SCRG1: variants seen among roughly 807,000 people sequenced by gnomAD.
SCRG1 encodes the protein scrapie-responsive protein 1.
SCRG1 carries 3 observed loss-of-function variants against 7.7 expected under a neutral mutation model. That is an observed-to-expected ratio of 0.39 (90% CI 0.18 to 1.01). The LOEUF is 1.01. Ranked by LOEUF, SCRG1 falls within the 50% of genes least tolerant of loss-of-function variation. The probability of loss-of-function intolerance (pLI) is 0.36; values close to 1 mark genes in which losing one functional copy is unlikely to be tolerated. For synonymous variants in SCRG1, 46 were observed against 41.2 expected, an observed-to-expected ratio of 1.12 and a Z score of -0.44; for missense variants, 110 against 117.2, an observed-to-expected ratio of 0.94 and a Z score of 0.28.
chr4:173,481,517 G>A, the SCRG1 span, among the ~76,000 whole-genome samples: 18 of 152,152 alleles, frequency 1.2e-4, no homozygotes, highest in South Asian at 2.9e-3. Context: ...GCGAGGGTCC[G>A]CTTATATGTG....
chr4:173,478,572 T>G, the SCRG1 span, among the ~76,000 whole-genome samples: 1 of 152,176 alleles, frequency 6.6e-6, no homozygotes, highest in Non-Finnish European at 1.5e-5. Context: ...TCTTGCTTGC[T>G]CCTGCTCTCT....
At chr4:173,442,806 G>C in the SCRG1 span, among the ~76,000 whole-genome samples, 4 of 152,120 alleles carry the variant, frequency 2.6e-5, no homozygotes. Context: ...CCTTTGATCA[G>C]GAGCCCACCC....
chr4:173,484,121 C>CAATATATAATATAT, the SCRG1 span, among the ~76,000 whole-genome samples: 2 of 45,862 alleles, frequency 4.4e-5, no homozygotes, highest in Non-Finnish European at 7.9e-5. Context: ...ATATAATATA[C>CAATATATAATATAT]AATATATAAT....
the SCRG1 span, among the ~76,000 whole-genome samples, chr4:173,442,172 C>T: frequency 7.2e-5 from 11 of 152,158 alleles, no homozygotes; most frequent in Non-Finnish European, 1.3e-4. Context: ...TTTTTCAGGC[C>T]TTTGATTCAT....
upstream of SCRG1, among the ~76,000 whole-genome samples, chr4:173,400,669 G>A (rs967886173): frequency 2.0e-5 from 3 of 152,110 alleles, no homozygotes; most frequent in African/African-American, 4.8e-5. Context: ...CATTTCATAC[G>A]TCTGAACTCG....
chr4:173,419,448 C>T, the SCRG1 span: 186 of 1,002,048 alleles, frequency 1.9e-4, no homozygotes, highest in Non-Finnish European at 2.3e-4. Context: ...TCTGGAGTTA[C>T]GCTGTTCTTT....
At chr4:173,436,541 A>C in the SCRG1 span, among the ~76,000 whole-genome samples, 1 of 152,144 alleles carries the variant, frequency 6.6e-6, no homozygotes, top group Non-Finnish European at 1.5e-5. Flanking sequence ...TCATGGTCAT[A>C]AATGTTCTAT....
rs28469176 is a variant in SCRG1, at chr4:173,396,741, T to A, written c.-15+2327A>T. Among the ~76,000 whole-genome samples the A allele has an allele frequency of 5.4e-3, 788 of 145,542 alleles. 14 individuals are homozygous for A. Among genetic ancestry groups the A allele is most frequent in the African/African-American group, 7.3e-3 (285 of 39,160 alleles). Reference sequence around the variant, plus strand: ...GTGTGTGTGTGTGTGTGTGTGTGTGTGTGTGTGTATGCATTATAAATTACA... The same window carrying A: ...GTGTGTGTGTGTGTGTGTGTGTGTGAGTGTGTGTATGCATTATAAATTACA... On this transcript the variant is annotated intron_variant, in intron 1 of 2. Transcript: ENST00000296506.
At chr4:173,470,931 GA>G in the SCRG1 span, among the ~76,000 whole-genome samples, 1 of 152,118 alleles carries the variant, frequency 6.6e-6, no homozygotes, top group African/African-American at 2.4e-5. Context: ...ATGAAATAAG[GA>G]AAGTCTGCTA....
the SCRG1 span, among the ~76,000 whole-genome samples, chr4:173,491,704 G>T: frequency 6.6e-6 from 1 of 152,150 alleles, no homozygotes; most frequent in Non-Finnish European, 1.5e-5. Flanking sequence ...CCAGCTCTCC[G>T]CTTGCACTGA....
At chr4:173,430,806 CAAAAAAAAAA>C in the SCRG1 span, among the ~76,000 whole-genome samples, 3 of 59,102 alleles carry the variant, frequency 5.1e-5, no homozygotes, top group African/African-American at 2.1e-4. Context: ...GACCCTGTCT[CAAAAAAAAAA>C]AAAAAAAAAA....
At chr4:173,483,339 T>G in the SCRG1 span, among the ~76,000 whole-genome samples, 1 of 57,612 alleles carries the variant, frequency 1.7e-5, no homozygotes, top group African/African-American at 6.8e-5. Flanking sequence ...ATATTATATA[T>G]TACATATGAT....
chr4:173,466,132 G>A, the SCRG1 span, among the ~76,000 whole-genome samples: 1 of 152,148 alleles, frequency 6.6e-6, no homozygotes, highest in Non-Finnish European at 1.5e-5. Flanking sequence ...GAAAAATCCT[G>A]TGCAACTTCA....
At chr4:173,475,169 A>G in the SCRG1 span, among the ~76,000 whole-genome samples, 1 of 152,206 alleles carries the variant, frequency 6.6e-6, no homozygotes, top group Non-Finnish European at 1.5e-5. Context: ...CTCTACTAGG[A>G]TTTTGAGTTT....
chr4:173,487,141 A>T, the SCRG1 span, among the ~76,000 whole-genome samples: 6 of 152,170 alleles, frequency 3.9e-5, no homozygotes, highest in African/African-American at 1.4e-4. Flanking sequence ...AAATTCTGGG[A>T]CTATTCTAAT....
chr4:173,507,435 C>T, the SCRG1 span, among the ~76,000 whole-genome samples: 1 of 152,200 alleles, frequency 6.6e-6, no homozygotes, highest in African/African-American at 2.4e-5. This position sits in a 1 kb window ranked among gnomAD's most constrained non-coding sequence, Gnocchi z 4.4. Flanking sequence ...GTCTTGAACT[C>T]CTGACCTCAG....
chr4:173,460,068 G>A, the SCRG1 span, among the ~76,000 whole-genome samples: 93 of 152,294 alleles, frequency 6.1e-4, no homozygotes, highest in African/African-American at 2.0e-3. Context: ...CCACCGCCCT[G>A]CAAGGACACC....
At chr4:173,425,882 A>G in the SCRG1 span, among the ~76,000 whole-genome samples, 4 of 152,222 alleles carry the variant, frequency 2.6e-5, no homozygotes, top group Admixed American at 6.5e-5. Context: ...GAGCACTTAC[A>G]ATGGGCCAGA....
chr4:173,417,600 C>T, the SCRG1 span, among the ~76,000 whole-genome samples: 5 of 151,632 alleles, frequency 3.3e-5, no homozygotes, highest in South Asian at 4.2e-4. Context: ...CCCTCCCTCC[C>T]TCCTTCCTTC....
Sources: allele counts gnomAD v4.1 joint callset (sites outside exome capture counted in the v4.1 genomes callset), GRCh38; gene constraint gnomAD v4.1.1; non-coding constraint Gnocchi (gnomAD v3.1); transcripts MANE v1.5; gene names NCBI Gene and HGNC (gene_info 2026-07-23, HGNC 2026-07-21).